ZFP30: variants seen among roughly 807,000 people sequenced by gnomAD.
ZFP30 encodes zinc finger protein 30 homolog.
In ZFP30, 16 loss-of-function variants were observed where a neutral mutation model predicts 12.3. That is an observed-to-expected ratio of 1.30 (90% confidence interval 0.88 to 1.98). The LOEUF is 1.98. ZFP30 is among the 30% of genes most tolerant of loss of function. ZFP30 has a pLI of 0.00. For synonymous variants in ZFP30, 172 were observed against 201.0 expected (o/e 0.86, Z 1.22); for missense variants, 560 against 611.2 (o/e 0.92, Z 0.88).
chr19:37,650,193 A>G (rs915544039), intron 2 of ZFP30, among the ~76,000 whole-genome samples: 3 of 150,682 alleles, frequency 2.0e-5, no homozygotes, highest in Admixed American at 1.3e-4. Context: ...ATCTCAGCTC[A>G]CTGCAACCTC....
chr19:37,643,068 A>AG (rs1056908074), intron 5 of ZFP30, among the ~76,000 whole-genome samples, 197 bp downstream of exon 5: 24 of 151,402 alleles, frequency 1.6e-4, no homozygotes, highest in Admixed American at 3.9e-4. Flanking sequence ...AAAAAAAAAA[A>AG]AAAGAAAAAA....
Position 37,635,793 on chromosome 19 carries a change from C to A in ZFP30, c.748G>T (p.Ala250Ser), listed in dbSNP as rs751996638. 6.2e-7 allele frequency: 1 copy of A among 1,614,054 alleles called. No individual in the cohort carries two copies. The highest frequency in any genetic ancestry group is 1.1e-5 in the South Asian group (1 of 91,074). Residue 250 changes from alanine to serine, a missense_variant, in exon 6 of 6, where the codon GCC becomes TCC. Ala to Ser is a moderately conservative substitution (Grantham distance 99, BLOSUM62 1). Coordinates refer to ENST00000684514, the MANE Select transcript of ZFP30 (RefSeq NM_001320669.3). ...KPYECKECGK[A>S]FRVRGQLNLH... ...TTAAGTTGTCCTCTAACTCTAAAGG[C>A]TTTCCCACATTCTTTACATTCATAC...
chr19:37,634,962 G>C lies in ZFP30; in HGVS notation c.*19C>G, dbSNP rs1188691448. The C allele has an allele frequency of 6.6e-7, 1 of 1,513,778 alleles. No individual in the cohort carries two copies. 93.8% of individuals were successfully genotyped at this position (1,513,778 alleles called of 1,614,324 possible). ...CTATGCTCAACATAAAATTCGCAAAGGAAGAGTTCTAATAATTATTAAGTT... is the reference window on the plus strand; with the variant it reads ...CTATGCTCAACATAAAATTCGCAAACGAAGAGTTCTAATAATTATTAAGTT... On this transcript the variant is annotated 3_prime_UTR_variant, in exon 6 of 6. Coordinates refer to ENST00000684514, the MANE Select transcript of ZFP30 (RefSeq NM_001320669.3).
At position 37,633,486 on chromosome 19, in the gene ZFP30, T is replaced by TG. The variant is rs1390832089; in HGVS notation, c.*1494dup. 1 of 152,012 alleles carries TG rather than the reference T, an allele frequency of 6.6e-6. No individual in the cohort carries two copies. The highest frequency in any genetic ancestry group is 1.5e-5 in the Non-Finnish European group (1 of 68,060). The allele number at this position is 152,012 out of a possible 1,614,324, so 9.4% of individuals were successfully genotyped here. ...CTCCTGTCTCAGCTGCCCGAGTAGC[T>TG]GGGATTACAGGCGCATGTGACCACG... On this transcript the variant is annotated 3_prime_UTR_variant, in exon 6 of 6. Coordinates refer to ENST00000684514, the MANE Select transcript of ZFP30 (RefSeq NM_001320669.3).
rs1007263993 is a variant in ZFP30 at position 37,647,899 on chromosome 19, G to C, written c.-77C>G. ...AGAAGCAGGGTCCACAGACACCAGAGCTGCAGAAAGAACATGTAAAATCAT... is the reference window on the plus strand; with the variant it reads ...AGAAGCAGGGTCCACAGACACCAGACCTGCAGAAAGAACATGTAAAATCAT... On this transcript the variant is annotated splice_region_variant and 5_prime_UTR_variant, in exon 3 of 6. Coordinates refer to ENST00000684514, the MANE Select transcript of ZFP30 (RefSeq NM_001320669.3). The C allele has an allele frequency of 2.0e-6, 3 of 1,528,400 alleles. No homozygotes were observed. The highest frequency in any genetic ancestry group is 2.7e-6 in the Non-Finnish European group (3 of 1,106,216). 94.7% of individuals were successfully genotyped at this position (1,528,400 alleles called of 1,614,324 possible). A position where few individuals can be genotyped will look rare whatever the true frequency, so the allele number is the denominator to read the frequency against.
At position 37,635,862 on chromosome 19, in the gene ZFP30, A is replaced by C. The variant is rs772002009; in HGVS notation, c.679T>G (p.Ser227Ala). 1 of 1,614,076 alleles carries C rather than the reference A, an allele frequency of 6.2e-7. No individual in the cohort carries two copies. Among genetic ancestry groups the C allele is most frequent in the East Asian group, 2.2e-5 (1 of 44,894 alleles). ...KKCGKIFTCG[S>A]DLRVHQRIHI... is the part of the protein sequence containing the mutation. ...ATTCTCTGATGTACTCGAAGGTCTG[A>C]GCCACATGTGAAGATCTTTCCACAT... is the stretch of plus-strand genomic sequence containing the variant. The change falls in exon 6 of 6, where the codon TCA becomes GCA. Residue 227 changes from serine (S) to alanine (A), a missense_variant. Physicochemically the swap from Ser to Ala is moderately conservative, Grantham distance 99. Transcript: ENST00000684514.
chr19:37,638,553 T>C (rs1391634240), intron 5 of ZFP30, among the ~76,000 whole-genome samples: 2 of 152,312 alleles, frequency 1.3e-5, no homozygotes, highest in South Asian at 2.1e-4. Flanking sequence ...GCAACGTTAT[T>C]TGTAATATAC....
intron 4 of ZFP30, among the ~76,000 whole-genome samples, chr19:37,643,705 G>C (rs1415770143): frequency 6.6e-6 from 1 of 152,160 alleles, no homozygotes; most frequent in Non-Finnish European, 1.5e-5. Context: ...TCGATTTAAT[G>C]TAAGTGTTTA....
At chr19:37,643,416 AAAG>A (rs2044477515) in intron 4 of ZFP30, 53 bp from the exon 5 acceptor site, 4 of 1,296,194 alleles carry the variant, frequency 3.1e-6, no homozygotes, top group Admixed American at 2.5e-5. Flanking sequence ...GCTTCAAAAC[AAAG>A]AAGACTATCA....
rs1258309905 is a variant in ZFP30, at chr19:37,652,522, C to T, written c.-78+2190G>A. On this transcript the variant is annotated intron_variant, in intron 2 of 5. Coordinates refer to ENST00000684514, the MANE Select transcript of ZFP30 (RefSeq NM_001320669.3). ...GGCGGAGGTTGCAGTGGGCCAAGAT[C>T]GCGCCACTGCACTCCAGCCTGGGAA... 4.6e-5 allele frequency among the ~76,000 whole-genome samples: 7 copies of T among 151,590 alleles called. No individual in the cohort carries two copies. In the East Asian group the frequency reaches 1.2e-3, roughly 25 times the overall value.
chr19:37,646,417 G>A (rs571352369), intron 3 of ZFP30, among the ~76,000 whole-genome samples: 3 of 152,250 alleles, frequency 2.0e-5, no homozygotes, highest in East Asian at 3.9e-4. Context: ...TTAGCAATAT[G>A]TGGATACTGA....
chr19:37,644,245 A>G (rs1279279870), intron 4 of ZFP30, among the ~76,000 whole-genome samples: 1 of 152,226 alleles, frequency 6.6e-6, no homozygotes, highest in Non-Finnish European at 1.5e-5. Flanking sequence ...GCTAGTTTTT[A>G]GAAAGACAGC....
At chr19:37,650,423 A>AT (rs955589271) in intron 2 of ZFP30, among the ~76,000 whole-genome samples, 2 of 152,144 alleles carry the variant, frequency 1.3e-5, no homozygotes, top group Non-Finnish European at 2.9e-5. Context: ...TTAATTAAAA[A>AT]TTTTTATCAC....
At chr19:37,644,837 C>G in intron 3 of ZFP30, 101 bp from the exon 4 acceptor site, 1 of 1,211,236 alleles carries the variant, frequency 8.3e-7, no homozygotes, top group Non-Finnish European at 1.1e-6. Context: ...ATAATTCTAG[C>G]TTTGGGAGCC....
At position 37,633,093 on chromosome 19, in the gene ZFP30, C is replaced by A. The variant is rs940822874; in HGVS notation, c.*1888G>T. 1.3e-5 allele frequency: 2 copies of A among 151,528 alleles called. No individual in the cohort carries two copies. The allele number at this position is 151,528 out of a possible 1,614,324, so 9.4% of individuals were successfully genotyped here. ...GTCTGAGGGAGGAGAATGGCTTGAA[C>A]CCGGGAGGCAGAGCTTGCAGTGAGC... On this transcript the variant is annotated 3_prime_UTR_variant, in exon 6 of 6. Coordinates refer to ENST00000684514, the MANE Select transcript of ZFP30 (RefSeq NM_001320669.3).
At chr19:37,642,967 G>A (rs965467446) in intron 5 of ZFP30, among the ~76,000 whole-genome samples, 3 of 151,514 alleles carry the variant, frequency 2.0e-5, no homozygotes, top group Non-Finnish European at 2.9e-5. Flanking sequence ...GCAGGAGAAT[G>A]GCGTGAACCC....
chr19:37,654,042 C>G (rs1480975453), intron 2 of ZFP30, among the ~76,000 whole-genome samples: 1 of 152,224 alleles, frequency 6.6e-6, no homozygotes, highest in Non-Finnish European at 1.5e-5. Flanking sequence ...GAATTAAGGA[C>G]TCACTATGTG....
chr19:37,649,775 G>A (rs926184652), intron 2 of ZFP30, among the ~76,000 whole-genome samples: 16 of 150,880 alleles, frequency 1.1e-4, no homozygotes, highest in African/African-American at 3.7e-4. Context: ...AGTGAGCCCC[G>A]TTCATGCCAC....
chr19:37,645,902 CAG>C (rs1248498575), intron 3 of ZFP30, among the ~76,000 whole-genome samples: 5 of 151,996 alleles, frequency 3.3e-5, no homozygotes, highest in East Asian at 3.8e-4. Context: ...TTTATTATAA[CAG>C]ATTCTTTATT....
Sources: allele counts gnomAD v4.1 joint callset (sites outside exome capture counted in the v4.1 genomes callset), GRCh38; gene constraint gnomAD v4.1.1; transcripts MANE v1.5; gene names NCBI Gene and HGNC (gene_info 2026-07-23, HGNC 2026-07-21).